Variants in PLEKHM3 observed in about 807,000 individuals in gnomAD.
The protein encoded by PLEKHM3 is pleckstrin homology domain containing M3.
A neutral mutation model predicts 81.8 loss-of-function variants in PLEKHM3; 45 were observed. The ratio of observed to expected loss-of-function variants is 0.55; its 90% CI spans 0.43 to 0.71. The LOEUF (loss-of-function observed/expected upper bound fraction) is 0.71, where lower values mean the gene tolerates loss of function less well. PLEKHM3 is among the 30% of genes least tolerant of loss of function. The pLI, the probability that PLEKHM3 is intolerant of heterozygous loss-of-function variation, is 0.00. For missense variants in PLEKHM3, 788 were observed against 924.3 expected (o/e 0.85, Z 1.91); for synonymous variants, 352 against 356.4 (o/e 0.99, Z 0.14).
chr2:207,968,111 G>A (rs760304978), intron 3 of PLEKHM3, among the ~76,000 whole-genome samples: 3 of 151,520 alleles, frequency 2.0e-5, no homozygotes, highest in Non-Finnish European at 4.4e-5. Flanking sequence ...TTGTTTTGAG[G>A]GCTTTGCCAA....
At chr2:207,928,590 C>A (rs1396153367) in intron 5 of PLEKHM3, among the ~76,000 whole-genome samples, 1 of 152,244 alleles carries the variant, frequency 6.6e-6, no homozygotes, top group East Asian at 1.9e-4. Flanking sequence ...GCCTTGAGAG[C>A]AAAGTAATAA....
intron 1 of PLEKHM3, among the ~76,000 whole-genome samples, chr2:208,004,417 C>CA (rs11289003): frequency 3.5e-3 from 498 of 143,100 alleles, no homozygotes; most frequent in African/African-American, 0.011. Flanking sequence ...TGCCCTGTCT[C>CA]AAAAAAAAAA....
intron 6 of PLEKHM3, among the ~76,000 whole-genome samples, chr2:207,872,244 T>C (rs1337902054): frequency 6.6e-6 from 1 of 152,202 alleles, no homozygotes; most frequent in African/African-American, 2.4e-5. Flanking sequence ...ACCCACCTTG[T>C]AGAAATGTAA....
At position 207,976,627 on chromosome 2, in the gene PLEKHM3, A is replaced by G. The variant is rs757644290; in HGVS notation, c.1546+24T>C. 1 of 1,597,018 alleles carries G rather than the reference A, an allele frequency of 6.3e-7. No homozygotes were observed. The highest frequency in any genetic ancestry group is 8.5e-7 in the Non-Finnish European group (1 of 1,170,634). ...GTTCAGGATTGTTCTTTAATGAGCTATAGGCTGAAAATCTGCTTCATACCT... is the reference window on the plus strand; with the variant it reads ...GTTCAGGATTGTTCTTTAATGAGCTGTAGGCTGAAAATCTGCTTCATACCT... On this transcript the variant is annotated intron_variant, in intron 3 of 7. Coordinates refer to ENST00000427836, the MANE Select transcript of PLEKHM3 (RefSeq NM_001080475.3). This position sits in a 1 kb window ranked among gnomAD's most constrained non-coding sequence, Gnocchi z 4.1.
chr2:207,969,296 A>G (rs1691029950), intron 3 of PLEKHM3, among the ~76,000 whole-genome samples: 1 of 152,232 alleles, frequency 6.6e-6, no homozygotes, highest in South Asian at 2.1e-4. Flanking sequence ...CCTTTTTCTT[A>G]AGAATTGCTA....
At chr2:207,935,553 A>G (rs1689723420) in intron 4 of PLEKHM3, among the ~76,000 whole-genome samples, 1 of 152,212 alleles carries the variant, frequency 6.6e-6, no homozygotes, top group South Asian at 2.1e-4. Flanking sequence ...TACTAACACG[A>G]AAGAATTTGG....
chr2:207,976,565 T>C lies in PLEKHM3; in HGVS notation c.1546+86A>G. 1 of 1,311,158 alleles carries C rather than the reference T, an allele frequency of 7.6e-7. No individual in the cohort carries two copies. The highest frequency in any genetic ancestry group is 1.5e-5 in the African/African-American group (1 of 67,784). The allele number at this position is 1,311,158 out of a possible 1,614,324, so 81.2% of individuals were successfully genotyped here. A position where few individuals can be genotyped will look rare whatever the true frequency, so the allele number is the denominator to read the frequency against. Reference sequence around the variant, plus strand: ...AAACAGGAGATAGCTGTGACTAGCCTATTAAGGGGATTTTTAAAGTGAATT... The same window carrying C: ...AAACAGGAGATAGCTGTGACTAGCCCATTAAGGGGATTTTTAAAGTGAATT... On this transcript the variant is annotated intron_variant, in intron 3 of 7. Coordinates refer to ENST00000427836, the MANE Select transcript of PLEKHM3 (RefSeq NM_001080475.3). This position sits in a 1 kb window ranked among gnomAD's most constrained non-coding sequence, Gnocchi z 4.1.
intron 3 of PLEKHM3, among the ~76,000 whole-genome samples, chr2:207,967,097 C>A (rs1015021704): frequency 2.6e-5 from 4 of 152,140 alleles, no homozygotes; most frequent in African/African-American, 9.7e-5. Context: ...AATCCTTTTA[C>A]CTCAGTCTCC....
intron 6 of PLEKHM3, among the ~76,000 whole-genome samples, chr2:207,871,339 T>C (rs1477838154): frequency 6.6e-6 from 1 of 152,148 alleles, no homozygotes; most frequent in African/African-American, 2.4e-5. Flanking sequence ...AATCAAGCAC[T>C]TTACTGAGGG....
chr2:207,888,047 T>C (rs1687934393), intron 6 of PLEKHM3, among the ~76,000 whole-genome samples: 2 of 152,050 alleles, frequency 1.3e-5, no homozygotes, highest in South Asian at 2.1e-4. Flanking sequence ...GTTTCTTCCA[T>C]CTCTGCAACA....
intron 4 of PLEKHM3, among the ~76,000 whole-genome samples, chr2:207,945,612 A>C (rs1391932795): frequency 6.6e-6 from 1 of 152,186 alleles, no homozygotes; most frequent in Non-Finnish European, 1.5e-5. Context: ...CTACTATAAG[A>C]AATATCTCGG....
At chr2:208,019,460 A>G (rs1693048521) in intron 1 of PLEKHM3, among the ~76,000 whole-genome samples, 1 of 152,116 alleles carries the variant, frequency 6.6e-6, no homozygotes, top group Non-Finnish European at 1.5e-5. Flanking sequence ...GGCTAAGTCT[A>G]ATTCAGCTGT....
chr2:207,872,039 A>G (rs1259998629), intron 6 of PLEKHM3, among the ~76,000 whole-genome samples: 1 of 152,224 alleles, frequency 6.6e-6, no homozygotes, highest in African/African-American at 2.4e-5. Flanking sequence ...TACTTAATAT[A>G]TGAGAAAACT....
At chr2:208,008,508 A>AAAAAAAAAACAAAAAAAAAAAACCCTACC (rs1692577473) in intron 1 of PLEKHM3, among the ~76,000 whole-genome samples, 1 of 30,790 alleles carries the variant, frequency 3.2e-5, no homozygotes, top group Non-Finnish European at 1.8e-4. Context: ...TGCCAAAAAA[A>AAAAAAAAAACAAAAAAAAAAAACCCTACC]AAAAAAAAAA....
rs754241565 is a variant in PLEKHM3, at chr2:207,977,479, A to T, written c.718T>A (p.Leu240Ile). ...CTGCTGTCGAGGCTGTAGAAGTATAAGTTGTAAGGTGAAAGTTCTGCATAA... is the reference window on the plus strand; with the variant it reads ...CTGCTGTCGAGGCTGTAGAAGTATATGTTGTAAGGTGAAAGTTCTGCATAA... ...SCYAELSPYN[L>I]YFYSLDSSGN... Residue 240 changes from leucine (L) to isoleucine (I), a missense_variant, in exon 3 of 8, where the codon TTA becomes ATA. Physicochemically the swap from Leu to Ile is conservative, Grantham distance 5 (BLOSUM62 2). Transcript: ENST00000427836. The T allele has an allele frequency of 8.1e-6, 13 of 1,614,096 alleles. No homozygotes were observed. The highest frequency in any genetic ancestry group is 1.0e-5 in the Non-Finnish European group (12 of 1,180,040).
intron 6 of PLEKHM3, among the ~76,000 whole-genome samples, chr2:207,876,863 T>A (rs567221182): frequency 1.4e-4 from 21 of 152,342 alleles, no homozygotes; most frequent in Non-Finnish European, 2.9e-4. Context: ...ACTGGTTCCA[T>A]CCCTTCAGGC....
At position 208,011,785 on chromosome 2, in the gene PLEKHM3, CTTTT is replaced by C. The variant is rs1177948830; in HGVS notation, c.-318-9832_-318-9829del. Among the ~76,000 whole-genome samples the C allele has an allele frequency of 3.2e-3, 255 of 79,896 alleles. 2 individuals are homozygous for C. Among genetic ancestry groups the C allele is most frequent in the African/African-American group, 0.015 (245 of 16,696 alleles). 52.4% of individuals were successfully genotyped at this position (79,896 alleles called of 152,430 possible). On this transcript the variant is annotated intron_variant, in intron 1 of 7. Coordinates refer to ENST00000427836, the MANE Select transcript of PLEKHM3 (RefSeq NM_001080475.3). Reference sequence around the variant, plus strand: ...AAAAATTTTTAAGTGCTCTGATAAACTTTTTTTTTTTTTTTTTTTTTTTTTTTTT... The same window carrying C: ...AAAAATTTTTAAGTGCTCTGATAAACTTTTTTTTTTTTTTTTTTTTTTTTT...
intron 6 of PLEKHM3, among the ~76,000 whole-genome samples, chr2:207,874,729 C>T (rs536160931): frequency 6.6e-6 from 1 of 151,828 alleles, no homozygotes; most frequent in East Asian, 2.0e-4. Flanking sequence ...GTAGCTGGGA[C>T]TACAGGTGCA....
At chr2:207,945,596 G>C (rs1244191212) in intron 4 of PLEKHM3, among the ~76,000 whole-genome samples, 1 of 152,150 alleles carries the variant, frequency 6.6e-6, no homozygotes. Context: ...GAGTAGGAGC[G>C]CTACTCTACT....
Sources: gnomAD v4.1 joint callset for allele counts (sites outside exome capture counted in the v4.1 genomes callset) on GRCh38, gnomAD v4.1.1 for gene constraint, Gnocchi (gnomAD v3.1) non-coding constraint, MANE v1.5 for transcripts, NCBI Gene and HGNC (gene_info 2026-07-23, HGNC 2026-07-21) for gene names.